Variants in CEP250 observed in about 807,000 individuals in gnomAD.
CEP250 encodes centrosomal protein 250, also known as centrosome-associated protein CEP250.
Under a neutral mutation model 315.7 loss-of-function variants are expected in CEP250, and 242 were observed. That is an observed-to-expected ratio of 0.77 (90% CI 0.69 to 0.85). CEP250 has a LOEUF of 0.85. Ranked by LOEUF, CEP250 falls within the 40% of genes least tolerant of loss-of-function variation. The probability of loss-of-function intolerance (pLI) is 0.00; values close to 1 mark genes in which losing one functional copy is unlikely to be tolerated. For missense variants in CEP250, 2,515 were observed against 2,886.4 expected, an observed-to-expected ratio of 0.87 and a Z score of 2.95; for synonymous variants, 1,088 against 1,175.0, an observed-to-expected ratio of 0.93 and a Z score of 1.51.
chr20:35,489,072 C>T (rs1368120258), intron 20 of CEP250, among the ~76,000 whole-genome samples: 1 of 151,910 alleles, frequency 6.6e-6, no homozygotes, highest in African/African-American at 2.4e-5. Context: ...CCTGTAATCC[C>T]AGCTACTTGG....
intron 12 of CEP250, 29 bp from the exon 13 acceptor site, chr20:35,473,345 A>G: frequency 6.3e-7 from 1 of 1,578,516 alleles, no homozygotes; most frequent in South Asian, 1.2e-5. Context: ...CTTGTTCATC[A>G]TCTGGTTTCT....
At chr20:35,509,784 T>G (rs1260500710) in intron 33 of CEP250, among the ~76,000 whole-genome samples, 1 of 152,268 alleles carries the variant, frequency 6.6e-6, no homozygotes, top group Non-Finnish European at 1.5e-5. Flanking sequence ...ATGTTTTGTG[T>G]CAGGTCTCCA....
intron 28 of CEP250, among the ~76,000 whole-genome samples, chr20:35,501,208 G>A (rs1449879167): frequency 1.3e-5 from 2 of 152,098 alleles, no homozygotes; most frequent in Non-Finnish European, 2.9e-5. Flanking sequence ...GTGGTGGTGG[G>A]CACCTGTAAT....
rs1368989535 is a variant in CEP250, at chr20:35,497,817, G to A, written c.3405G>A (p.Glu1135=). 6.4e-7 allele frequency: 1 copy of A among 1,565,110 alleles called. No homozygotes were observed. Among genetic ancestry groups the A allele is most frequent in the Non-Finnish European group, 8.7e-7 (1 of 1,154,524 alleles). ...AGCTGGAGGCGTCTCATATCACGGA[G>A]CAGCAGCTGCGAGCCTCCTTGTGGG... ...LEELEASHIT[E]QQLRASLWAQ... The change falls in exon 26 of 35, where the codon GAG becomes GAA. Residue 1135 remains glutamate, a synonymous_variant. Transcript: ENST00000397527.
In CEP250 at chr20:35,511,883, G is replaced by T. The variant is rs2064372539; in HGVS notation, c.*257G>T. Reference sequence around the variant, plus strand: ...GTGCCTTGCCCTGGCTGAGGGACATGTACTGCCTCTCATCTAGAATTTATT... The same window carrying T: ...GTGCCTTGCCCTGGCTGAGGGACATTTACTGCCTCTCATCTAGAATTTATT... On this transcript the variant is annotated 3_prime_UTR_variant, in exon 35 of 35. Coordinates refer to ENST00000397527, the MANE Select transcript of CEP250 (RefSeq NM_007186.6). The T allele has an allele frequency of 1.5e-5, 19 of 1,292,586 alleles. No individual in the cohort carries two copies. The highest frequency in any genetic ancestry group is 2.9e-4 in the Middle Eastern group (1 of 3,480). The allele number at this position is 1,292,586 out of a possible 1,614,324, so 80.1% of individuals were successfully genotyped here.
chr20:35,516,964 T>C lies in CEP250; in HGVS notation c.*5338T>C, dbSNP rs1055777368. On this transcript the variant is annotated 3_prime_UTR_variant, in exon 35 of 35. Transcript: ENST00000397527. ...AAGCTCAAACCCCCCCATTGAAGGC[T>C]ACATTCTTGTCCCACAGGGCAGAGC... The C allele has an allele frequency of 3.0e-6, 3 of 985,374 alleles. No homozygotes were observed. Among genetic ancestry groups the C allele is most frequent in the Non-Finnish European group, 3.6e-6 (3 of 829,960 alleles). 61.0% of individuals were successfully genotyped at this position (985,374 alleles called of 1,614,324 possible).
In CEP250 at chr20:35,490,590, C is replaced by T. The variant is rs374780075; in HGVS notation, c.2587-47C>T. On this transcript the variant is annotated intron_variant, in intron 20 of 34. Transcript: ENST00000397527. ...TTTTCCAATCCAGTACCCCTGCCTC[C>T]CCTCCTCACCCATTTGGTTCTAATG... 154 of 1,572,000 alleles carry T rather than the reference C, an allele frequency of 9.8e-5. No individual in the cohort carries two copies. In the Middle Eastern group the frequency reaches 4.3e-3, roughly 44 times the overall value.
Position 35,511,336 on chromosome 20 carries a change from C to CTTTTTTTT in CEP250, c.7066-20_7066-13dup. 3 of 1,101,700 alleles carry CTTTTTTTT rather than the reference C, an allele frequency of 2.7e-6. 1 individual carries two copies. The highest frequency in any genetic ancestry group is 3.8e-6 in the Non-Finnish European group (3 of 797,910). The allele number at this position is 1,101,700 out of a possible 1,614,324, so 68.2% of individuals were successfully genotyped here. ...ACTTCAGGGCCCTCAGCTGCTCTCG[C>CTTTTTTTT]TTTTTTTTTTTTTTCCTGCCCACCA... On this transcript the variant is annotated intron_variant, in intron 34 of 34. Coordinates refer to ENST00000397527, the MANE Select transcript of CEP250 (RefSeq NM_007186.6).
Position 35,480,460 on chromosome 20 carries a change from A to G in CEP250, c.2586+315A>G, listed in dbSNP as rs1211381910. Among the ~76,000 whole-genome samples, 3 of 151,946 alleles carry G rather than the reference A, an allele frequency of 2.0e-5. No individual in the cohort carries two copies. The East Asian group carries it at 5.8e-4, about 29-fold the overall frequency. On this transcript the variant is annotated intron_variant, in intron 20 of 34. Transcript: ENST00000397527. ...CGGGGGAGAGGAATATCTTGGATGC[A>G]TTCTTGTGCAGTTCAGAACTGTGTT...
Position 35,498,116 on chromosome 20 carries a change from G to T in CEP250, c.3655+49G>T, listed in dbSNP as rs566273273. ...GGTCCTTTGGGCCAAAGCCAGGCCT[G>T]GCTCCCAGGGGAAAGGGAGAGGAAT... On this transcript the variant is annotated intron_variant, in intron 26 of 34. Coordinates refer to ENST00000397527, the MANE Select transcript of CEP250 (RefSeq NM_007186.6). 125 of 1,355,346 alleles carry T rather than the reference G, an allele frequency of 9.2e-5. 1 individual carries two copies. In the South Asian group the frequency reaches 1.6e-3, roughly 17 times the overall value. 84.0% of individuals were successfully genotyped at this position (1,355,346 alleles called of 1,614,324 possible).
rs749606201 is a variant in CEP250 at position 35,478,149 on chromosome 20, CATT to C, written c.2094+51_2094+53del. Reference sequence around the variant, plus strand: ...ATCATGTCTAGGTGTAATATATGCTCATTATAAAAAATTAAAACACTACAGAAA... The same window carrying C: ...ATCATGTCTAGGTGTAATATATGCTCATAAAAAATTAAAACACTACAGAAA... On this transcript the variant is annotated intron_variant, in intron 17 of 34. Transcript: ENST00000397527. 5 of 1,235,262 alleles carry C rather than the reference CATT, an allele frequency of 4.0e-6. No homozygotes were observed. In the East Asian group the frequency reaches 9.4e-5, roughly 23 times the overall value. The allele number at this position is 1,235,262 out of a possible 1,614,324, so 76.5% of individuals were successfully genotyped here.
intron 5 of CEP250, among the ~76,000 whole-genome samples, chr20:35,464,278 T>C (rs1470793751): frequency 1.3e-5 from 2 of 152,158 alleles, no homozygotes; most frequent in Non-Finnish European, 2.9e-5. Flanking sequence ...TTGTTTTGCT[T>C]GCTTGTTTGG....
chr20:35,493,574 T>G lies in CEP250; in HGVS notation c.3033+2T>G, dbSNP rs1601255431. ...GATAAGATGGACCTGCAGAAGCAGG[T>G]CCCCTCCTCCTCCCCACCAAGTCCC... is the stretch of plus-strand genomic sequence containing the variant. On this transcript the variant is annotated splice_donor_variant, in intron 23 of 34. Coordinates refer to ENST00000397527, the MANE Select transcript of CEP250 (RefSeq NM_007186.6). LOFTEE classifies it high-confidence loss of function. The G allele has an allele frequency of 6.5e-7, 1 of 1,527,296 alleles. No homozygotes were observed. 94.6% of individuals were successfully genotyped at this position (1,527,296 alleles called of 1,614,324 possible). A position where few individuals can be genotyped will look rare whatever the true frequency, so the allele number is the denominator to read the frequency against.
At chr20:35,464,521 C>T (rs534768568) in intron 5 of CEP250, among the ~76,000 whole-genome samples, 2 of 152,316 alleles carry the variant, frequency 1.3e-5, no homozygotes, top group African/African-American at 2.4e-5. Context: ...CTATGTTGCC[C>T]AGGCTGGTCT....
At position 35,462,490 on chromosome 20, in the gene CEP250, G is replaced by C. The variant is rs1259781044; in HGVS notation, c.123G>C (p.Lys41Asn). Residue 41 changes from lysine (K) to asparagine (N), a missense_variant, in exon 4 of 35, where the codon AAG (lysine) becomes AAC (asparagine). Lys to Asn is a moderately conservative substitution (Grantham distance 94). Transcript: ENST00000397527. ...AGAATCAGGCAGCCTCCTGGCGGAA[G>C]CTGAAGAACTCCCAGGAGGCCCAGC... ...MAENQAASWR[K>N]LKNSQEAQQR... 6.2e-7 allele frequency: 1 copy of C among 1,609,944 alleles called. No individual in the cohort carries two copies. The highest frequency in any genetic ancestry group is 1.7e-5 in the Admixed American group (1 of 59,460).
intron 2 of CEP250, among the ~76,000 whole-genome samples, chr20:35,458,826 T>TA (rs1431211158): frequency 6.6e-6 from 1 of 152,158 alleles, no homozygotes; most frequent in East Asian, 1.9e-4. Flanking sequence ...GTTTTGGTTT[T>TA]AAAAAACTTT....
chr20:35,476,674 G>GTCCGCC (rs2063183285), intron 16 of CEP250, 79 bp downstream of exon 16: 1 of 1,257,742 alleles, frequency 8.0e-7, no homozygotes, highest in East Asian at 2.3e-5. Context: ...CCAAATGTAG[G>GTCCGCC]TCTGAAATGA....
intron 20 of CEP250, among the ~76,000 whole-genome samples, chr20:35,486,904 T>C (rs2063528357): frequency 6.6e-6 from 1 of 152,182 alleles, no homozygotes; most frequent in African/African-American, 2.4e-5. Context: ...ACTCCATAAA[T>C]AAAAGATGCT....
rs368522655 is a variant in CEP250 at position 35,477,856 on chromosome 20, C to G, written c.1864-15C>G. The G allele has an allele frequency of 2.4e-5, 37 of 1,561,052 alleles. No individual in the cohort carries two copies. The highest frequency in any genetic ancestry group is 2.4e-5 in the Non-Finnish European group (28 of 1,151,314). On this transcript the variant is annotated splice_polypyrimidine_tract_variant and intron_variant, in intron 16 of 34. Coordinates refer to ENST00000397527, the MANE Select transcript of CEP250 (RefSeq NM_007186.6). ...GTCTTTGATGCTTGTACTCCCTTCCCTTTTTGGCCAGTAGTTAGAGGAGGA... is the reference window on the plus strand; with the variant it reads ...GTCTTTGATGCTTGTACTCCCTTCCGTTTTTGGCCAGTAGTTAGAGGAGGA...
Sources: allele counts gnomAD v4.1 joint callset (sites outside exome capture counted in the v4.1 genomes callset), GRCh38; gene constraint gnomAD v4.1.1; transcripts MANE v1.5; gene names NCBI Gene and HGNC (gene_info 2026-07-23, HGNC 2026-07-21).